GMDS: variants seen among roughly 807,000 people sequenced by gnomAD.
GMDS encodes GDP-mannose 4,6 dehydratase.
In GMDS, 20 loss-of-function variants were observed where a neutral mutation model predicts 49.9. That is an observed-to-expected ratio of 0.40 (90% CI 0.28 to 0.58). GMDS has a LOEUF of 0.58. Among genes scored for constraint, GMDS ranks in the 20% least tolerant of loss-of-function variants. The probability of loss-of-function intolerance (pLI) is 0.42; values close to 1 mark genes in which losing one functional copy is unlikely to be tolerated. For missense variants in GMDS, 362 were observed against 481.4 expected (o/e 0.75, Z 2.32); for synonymous variants, 177 against 178.6 (o/e 0.99, Z 0.07).
chr6:1,674,635 C>T (rs542302647), intron 9 of GMDS, among the ~76,000 whole-genome samples: 303 of 138,516 alleles, frequency 2.2e-3, no homozygotes, highest in Non-Finnish European at 3.0e-3. Flanking sequence ...TGCATTCACA[C>T]GGCTCATTGC....
intron 7 of GMDS, among the ~76,000 whole-genome samples, chr6:1,763,402 T>A (rs1768232434): frequency 6.6e-6 from 1 of 152,218 alleles, no homozygotes; most frequent in African/African-American, 2.4e-5. Context: ...TCCAGGGGCA[T>A]GGAGATAAAA....
At chr6:2,224,057 G>A (rs1780713389) in intron 1 of GMDS, among the ~76,000 whole-genome samples, 1 of 152,210 alleles carries the variant, frequency 6.6e-6, no homozygotes, top group Non-Finnish European at 1.5e-5. Context: ...CGCCAACAAA[G>A]CAAGTAAGAC....
chr6:1,704,481 T>C (rs1021950517), intron 9 of GMDS, among the ~76,000 whole-genome samples: 1 of 152,062 alleles, frequency 6.6e-6, no homozygotes, highest in Non-Finnish European at 1.5e-5. Flanking sequence ...AGATGGTCTG[T>C]TGGAGCAAAA....
intron 1 of GMDS, among the ~76,000 whole-genome samples, chr6:2,130,995 T>TA (rs995553503): frequency 4.6e-5 from 7 of 152,166 alleles, no homozygotes; most frequent in Non-Finnish European, 7.3e-5. Flanking sequence ...TTTTACCAAT[T>TA]GGTTTGTTCT....
chr6:2,171,405 G>A (rs1202666361), intron 1 of GMDS, among the ~76,000 whole-genome samples: 3 of 152,070 alleles, frequency 2.0e-5, no homozygotes, highest in Non-Finnish European at 4.4e-5. Flanking sequence ...TTGGAGCCTA[G>A]GAAGTCCAAG....
At chr6:1,721,352 TAA>T (rs1766378720) in intron 9 of GMDS, among the ~76,000 whole-genome samples, 1 of 151,728 alleles carries the variant, frequency 6.6e-6, no homozygotes, top group African/African-American at 2.4e-5. Flanking sequence ...CTGATATCTA[TAA>T]AGATTAGGAA....
At chr6:2,004,658 G>A (rs977159256) in intron 4 of GMDS, among the ~76,000 whole-genome samples, 4 of 152,156 alleles carry the variant, frequency 2.6e-5, no homozygotes, top group South Asian at 2.1e-4. Context: ...TGAACTTAGC[G>A]GGTGATACCA....
chr6:1,924,841 A>G (rs1761911879), intron 7 of GMDS, among the ~76,000 whole-genome samples: 1 of 152,216 alleles, frequency 6.6e-6, no homozygotes, highest in Admixed American at 6.5e-5. Flanking sequence ...GGTGGGCATA[A>G]AAGCAGGTTG....
chr6:2,100,983 G>T (rs1242905171), intron 4 of GMDS, among the ~76,000 whole-genome samples: 1 of 151,798 alleles, frequency 6.6e-6, no homozygotes, highest in African/African-American at 2.4e-5. Context: ...TAACTTCTAT[G>T]TTATTATGAA....
In GMDS at chr6:1,783,442, G is replaced by A. The variant is rs141100398; in HGVS notation, c.772-40856C>T. On this transcript the variant is annotated intron_variant, in intron 7 of 10. Coordinates refer to ENST00000380815, the MANE Select transcript of GMDS (RefSeq NM_001500.4). Reference sequence around the variant, plus strand: ...GGGAAGTATGGAAGTATGGTGCTTCGTTGACCACTGTATCCCTAATGCCTG... The same window carrying A: ...GGGAAGTATGGAAGTATGGTGCTTCATTGACCACTGTATCCCTAATGCCTG... 7.5e-3 allele frequency among the ~76,000 whole-genome samples: 1,136 copies of A among 152,260 alleles called. 55 individuals carry two copies. Among genetic ancestry groups the A allele is most frequent in the Admixed American group, 0.064 (984 of 15,292 alleles).
At chr6:1,718,378 C>A (rs1382641097) in intron 9 of GMDS, among the ~76,000 whole-genome samples, 1 of 152,198 alleles carries the variant, frequency 6.6e-6, no homozygotes, top group African/African-American at 2.4e-5. Context: ...GATCTGGGTT[C>A]CAGCATCGTC....
At chr6:1,757,117 C>G (rs1465276686) in intron 7 of GMDS, among the ~76,000 whole-genome samples, 1 of 152,220 alleles carries the variant, frequency 6.6e-6, no homozygotes. Context: ...ATTCTTGTCT[C>G]TAATATAAAC....
chr6:1,860,180 A>T (rs1173686983), intron 7 of GMDS, among the ~76,000 whole-genome samples: 1 of 152,248 alleles, frequency 6.6e-6, no homozygotes, highest in Non-Finnish European at 1.5e-5. Context: ...AAATGTTAAG[A>T]ATACATATAA....
intron 7 of GMDS, among the ~76,000 whole-genome samples, chr6:1,853,368 A>T (rs535386878): frequency 6.6e-6 from 1 of 150,548 alleles, no homozygotes; most frequent in South Asian, 2.1e-4. Context: ...AATACAAAAA[A>T]TTAGCCGGGC....
intron 7 of GMDS, among the ~76,000 whole-genome samples, chr6:1,773,445 G>A (rs534159619): frequency 3.9e-4 from 59 of 152,226 alleles, no homozygotes; most frequent in African/African-American, 1.4e-3. Flanking sequence ...GTGCTAAATC[G>A]TTTCACAAAG....
intron 6 of GMDS, among the ~76,000 whole-genome samples, chr6:1,941,821 A>G (rs890070726): frequency 6.6e-6 from 1 of 152,204 alleles, no homozygotes; most frequent in African/African-American, 2.4e-5. Flanking sequence ...CCTCCAGGGC[A>G]CAGGAGAGCA....
rs148125891 is a variant in GMDS at position 1,878,047 on chromosome 6, C to T, written c.771+52056G>A. 7.7e-3 allele frequency among the ~76,000 whole-genome samples: 1,177 copies of T among 152,250 alleles called. 6 individuals are homozygous for T. The highest frequency in any genetic ancestry group is 0.013 in the Non-Finnish European group (913 of 68,020). On this transcript the variant is annotated intron_variant, in intron 7 of 10. Coordinates refer to ENST00000380815, the MANE Select transcript of GMDS (RefSeq NM_001500.4). ...TAAGAAGTCCTGCTGGGCGCGGTGG[C>T]TCACGCCTGTCATCCCAGCACTCTG...
rs1768363381 is a variant in GMDS at position 1,766,567 on chromosome 6, G to GA, written c.772-23982dup. Among the ~76,000 whole-genome samples, 1 of 152,046 alleles carries GA rather than the reference G, an allele frequency of 6.6e-6. No homozygotes were observed. Among genetic ancestry groups the GA allele is most frequent in the South Asian group, 2.1e-4 (1 of 4,818 alleles). ...GATTTCTCTCTTGTGTATGGCTCGGGAGGAGGGTCTAAGGTGGGCCTCGCT... is the reference window on the plus strand; with the variant it reads ...GATTTCTCTCTTGTGTATGGCTCGGGAAGGAGGGTCTAAGGTGGGCCTCGCT... On this transcript the variant is annotated intron_variant, in intron 7 of 10. Transcript: ENST00000380815. This position sits in a 1 kb window ranked among gnomAD's most constrained non-coding sequence, Gnocchi z 4.5.
chr6:2,106,467 T>C (rs1376976838), intron 4 of GMDS, among the ~76,000 whole-genome samples: 2 of 152,208 alleles, frequency 1.3e-5, no homozygotes, highest in Admixed American at 6.5e-5. Flanking sequence ...TTTTTTTAAA[T>C]ATACATACAA....
Sources: gnomAD v4.1 joint callset for allele counts (sites outside exome capture counted in the v4.1 genomes callset) on GRCh38, gnomAD v4.1.1 for gene constraint, Gnocchi (gnomAD v3.1) non-coding constraint, MANE v1.5 for transcripts, NCBI Gene and HGNC (gene_info 2026-07-23, HGNC 2026-07-21) for gene names.